INPP5D: variants seen among roughly 807,000 people sequenced by gnomAD.
INPP5D encodes phosphatidylinositol 3,4,5-trisphosphate 5-phosphatase 1.
Under a neutral mutation model 122.9 loss-of-function variants are expected in INPP5D, and 33 were observed. That is an observed-to-expected ratio of 0.27 (90% confidence interval 0.20 to 0.36). The LOEUF is 0.36. Ranked by LOEUF, INPP5D falls within the 10% of genes least tolerant of loss-of-function variation. INPP5D has a pLI of 1.00. For missense variants in INPP5D, 1,053 were observed against 1,412.7 expected (o/e 0.75, Z 4.08); for synonymous variants, 584 against 576.2 (o/e 1.01, Z -0.19).
In INPP5D at chr2:233,166,307, T is replaced by A. The variant is rs562448975; in HGVS notation, c.1555+1883T>A. ...CAGCCAGACCAGTTCCTGGTCATCC[T>A]GGCCTCAGGGCTGGGCACTGGGTCA... On this transcript the variant is annotated intron_variant, in intron 13 of 26. Coordinates refer to ENST00000445964, the MANE Select transcript of INPP5D (RefSeq NM_001017915.3). Among the ~76,000 whole-genome samples, 3 of 152,318 alleles carry A rather than the reference T, an allele frequency of 2.0e-5. No homozygotes were observed. The South Asian group carries it at 6.2e-4, about 32-fold the overall frequency.
chr2:233,121,996 G>C (rs1405679515), intron 2 of INPP5D, 111 bp from the exon 3 acceptor site: 4 of 1,264,106 alleles, frequency 3.2e-6, no homozygotes, highest in Non-Finnish European at 4.5e-6. Context: ...GGCTTTTCCT[G>C]GATCGCAGTC....
intron 17 of INPP5D, 198 bp downstream of exon 17, chr2:233,171,350 A>G (rs1017620789): frequency 7.6e-5 from 52 of 683,928 alleles, no homozygotes; most frequent in Non-Finnish European, 1.1e-4. Flanking sequence ...TGGGAAAATA[A>G]CCCTTGTGAT....
intron 13 of INPP5D, among the ~76,000 whole-genome samples, chr2:233,165,513 C>CAT (rs1694308722): frequency 6.8e-6 from 1 of 148,078 alleles, no homozygotes; most frequent in African/African-American, 2.5e-5. Flanking sequence ...TATGTGAGTC[C>CAT]GTGTGTGTGT....
At chr2:233,068,227 G>T (rs1348721017) in intron 1 of INPP5D, among the ~76,000 whole-genome samples, 2 of 151,434 alleles carry the variant, frequency 1.3e-5, no homozygotes, top group Non-Finnish European at 2.9e-5. Context: ...AGAGGTTGTG[G>T]TGAGCCGAGA....
At chr2:233,124,437 G>A (rs892362046) in intron 3 of INPP5D, among the ~76,000 whole-genome samples, 13 of 152,154 alleles carry the variant, frequency 8.5e-5, no homozygotes, top group African/African-American at 3.1e-4. Flanking sequence ...CAAAAGGACC[G>A]CAGCTCCATG....
chr2:233,086,133 CTTT>C, intron 2 of INPP5D, among the ~76,000 whole-genome samples: 1 of 123,138 alleles, frequency 8.1e-6, no homozygotes, highest in East Asian at 2.4e-4. Flanking sequence ...TTCTTTCTTT[CTTT>C]CTTTCTTTCT....
chr2:233,097,306 T>C (rs1185211891), intron 2 of INPP5D, among the ~76,000 whole-genome samples: 1 of 152,236 alleles, frequency 6.6e-6, no homozygotes, highest in Non-Finnish European at 1.5e-5. Flanking sequence ...CATTAGTCCT[T>C]GCTTGCCATG....
rs376301708 is a variant in INPP5D at position 233,164,197 on chromosome 2, G to C, written c.1438-110G>C. 2.1e-6 allele frequency: 3 copies of C among 1,449,960 alleles called. No homozygotes were observed. In the African/African-American group the frequency reaches 4.3e-5, roughly 21 times the overall value. 89.8% of individuals were successfully genotyped at this position (1,449,960 alleles called of 1,614,324 possible). ...AGTCCCCCGAAGGGTTGGGATTACA[G>C]ACAGGATACCCCATACCCAGGGGCT... On this transcript the variant is annotated intron_variant, in intron 12 of 26. Coordinates refer to ENST00000445964, the MANE Select transcript of INPP5D (RefSeq NM_001017915.3). The surrounding 1 kb of genome is among the most constrained non-coding windows in gnomAD (Gnocchi z 4.3).
At chr2:233,158,807 G>T (rs145579957) in intron 10 of INPP5D, among the ~76,000 whole-genome samples, 1 of 151,988 alleles carries the variant, frequency 6.6e-6, no homozygotes, top group Non-Finnish European at 1.5e-5. Context: ...TTGAGACAGC[G>T]TCTCGCTTTA....
At chr2:233,144,366 G>C (rs1490336822) in intron 6 of INPP5D, among the ~76,000 whole-genome samples, 1 of 124,104 alleles carries the variant, frequency 8.1e-6, no homozygotes, top group African/African-American at 3.0e-5. Context: ...GTGATGGTGA[G>C]GGTGGAGGTG....
rs953992475 is a variant in INPP5D at position 233,124,628 on chromosome 2, C to A, written c.350-1117C>A. ...CTGCACCTGAACAGCTGCCCCCAGG[C>A]GCCCAGGGCCATGCTGAGAAGCTGT... On this transcript the variant is annotated intron_variant, in intron 3 of 26. Coordinates refer to ENST00000445964, the MANE Select transcript of INPP5D (RefSeq NM_001017915.3). Among the ~76,000 whole-genome samples the A allele has an allele frequency of 2.6e-5, 4 of 152,220 alleles. No individual in the cohort carries two copies. The East Asian group carries it at 7.7e-4, about 29-fold the overall frequency.
At chr2:233,194,455 G>A (rs979327540) in intron 23 of INPP5D, among the ~76,000 whole-genome samples, 2 of 146,368 alleles carry the variant, frequency 1.4e-5, no homozygotes, top group Non-Finnish European at 3.0e-5. Flanking sequence ...TGCCCTCATG[G>A]TGCCCACCCA....
Position 233,144,520 on chromosome 2 carries a change from G to A in INPP5D, c.754-1642G>A, listed in dbSNP as rs1339926552. 6.9e-5 allele frequency among the ~76,000 whole-genome samples: 8 copies of A among 115,232 alleles called. No individual in the cohort carries two copies. The South Asian group carries it at 2.1e-3, about 30-fold the overall frequency. 75.6% of individuals were successfully genotyped at this position (115,232 alleles called of 152,430 possible). ...TAGGGGTGGAGATGGTGGTGGTGAT[G>A]GTGATGGTGAGGGTGGAGGTGGTGG... On this transcript the variant is annotated intron_variant, in intron 6 of 26. Transcript: ENST00000445964.
intron 1 of INPP5D, among the ~76,000 whole-genome samples, chr2:233,062,954 C>T (rs546746678): frequency 2.3e-4 from 35 of 152,092 alleles, no homozygotes; most frequent in African/African-American, 8.0e-4. Flanking sequence ...AAGAAAGCAG[C>T]CTTTGACACC....
chr2:233,101,019 T>C (rs1456428783), intron 2 of INPP5D, among the ~76,000 whole-genome samples: 2 of 150,200 alleles, frequency 1.3e-5, no homozygotes, highest in Non-Finnish European at 3.0e-5. Context: ...ACTGCATTTC[T>C]TCCTGATCCA....
chr2:233,089,563 T>C (rs1691939287), intron 2 of INPP5D, among the ~76,000 whole-genome samples: 1 of 152,186 alleles, frequency 6.6e-6, no homozygotes, highest in Non-Finnish European at 1.5e-5. Context: ...TGGAACCAGC[T>C]AAGGGCTTTG....
intron 5 of INPP5D, among the ~76,000 whole-genome samples, chr2:233,137,436 A>G (rs1249400986): frequency 6.7e-6 from 1 of 148,500 alleles, no homozygotes; most frequent in African/African-American, 2.5e-5. Context: ...GGGAAACATT[A>G]AAATCATTCC....
chr2:233,079,893 G>A lies in INPP5D; in HGVS notation c.198+495G>A, dbSNP rs371796062. ...TGCTCACTGCATCTGATTTCACCAA[G>A]CAAAGTCAAAATGTGCAAAACTTGC... On this transcript the variant is annotated intron_variant, in intron 2 of 26. Transcript: ENST00000445964. 6.2e-4 allele frequency among the ~76,000 whole-genome samples: 95 copies of A among 152,280 alleles called. No individual in the cohort carries two copies. The South Asian group carries it at 7.0e-3, about 11-fold the overall frequency.
intron 5 of INPP5D, among the ~76,000 whole-genome samples, chr2:233,136,121 A>T (rs186934876): frequency 6.6e-6 from 1 of 152,234 alleles, no homozygotes; most frequent in Non-Finnish European, 1.5e-5. Flanking sequence ...ACACTATGTG[A>T]TGCAGCCAAA....
Sources: gnomAD v4.1 joint callset for allele counts (sites outside exome capture counted in the v4.1 genomes callset) on GRCh38, gnomAD v4.1.1 for gene constraint, Gnocchi (gnomAD v3.1) non-coding constraint, MANE v1.5 for transcripts, NCBI Gene and HGNC (gene_info 2026-07-23, HGNC 2026-07-21) for gene names.